RSRP1: variants seen among roughly 807,000 people sequenced by gnomAD.
RSRP1 encodes arginine and serine rich protein 1, also known as arginine/serine-rich protein 1.
RSRP1 carries 37 observed loss-of-function variants against 33.0 expected under a neutral mutation model. The observed-to-expected ratio is 1.12, with a 90% confidence interval of 0.86 to 1.48. The LOEUF is 1.48. Among genes scored for constraint, RSRP1 ranks in the 40% most tolerant of loss-of-function variants. RSRP1 has a pLI of 0.00. For missense variants in RSRP1, 402 were observed against 385.3 expected (o/e 1.04, Z -0.36); for synonymous variants, 167 against 158.7 (o/e 1.05, Z -0.40).
intron 1 of RSRP1, among the ~76,000 whole-genome samples, chr1:25,281,577 C>A (rs1203769416): frequency 7.6e-6 from 1 of 132,118 alleles, no homozygotes; most frequent in East Asian, 1.9e-4. Context: ...CCTTCATATA[C>A]ATATTTCCTG....
chr1:25,315,102 G>A (rs148491151), intron 1 of RSRP1, among the ~76,000 whole-genome samples: 1,640 of 128,500 alleles, frequency 0.013, 212 homozygotes, highest in African/African-American at 0.041. Flanking sequence ...TACTCGGGAG[G>A]CTGAGATCAC....
chr1:25,245,376 C>T, intron 2 of RSRP1, 75 bp from the exon 3 acceptor site: 1 of 1,471,258 alleles, frequency 6.8e-7, no homozygotes, highest in Non-Finnish European at 9.2e-7. Context: ...CAGAATTACA[C>T]AATAAATATG....
rs1181460176 is a variant in RSRP1, at chr1:25,316,234, ATG to A, written c.-67+21742_-67+21743del. Among the ~76,000 whole-genome samples, 10 of 129,816 alleles carry A rather than the reference ATG, an allele frequency of 7.7e-5. 2 individuals carry two copies. The highest frequency in any genetic ancestry group is 1.8e-4 in the Non-Finnish European group (10 of 55,036). The allele number at this position is 129,816 out of a possible 152,430, so 85.2% of individuals were successfully genotyped here. On this transcript the variant is annotated intron_variant, in intron 1 of 1. Coordinates refer to the RSRP1 transcript ENST00000561867. ...GTGGAAGTATGTTCAAGGGGTAGGGATGGGCAGGGGAGATGGGTCTGAAAGCC... is the reference window on the plus strand; with the variant it reads ...GTGGAAGTATGTTCAAGGGGTAGGGAGGCAGGGGAGATGGGTCTGAAAGCC...
chr1:25,251,548 T>C (rs754958517), upstream of RSRP1, among the ~76,000 whole-genome samples: 41 of 152,068 alleles, frequency 2.7e-4, no homozygotes, highest in Non-Finnish European at 5.9e-4. Context: ...TTTGTATTTT[T>C]AGTAGAGACG....
At position 25,244,839 on chromosome 1, in the gene RSRP1, A is replaced by G. The variant is rs537258437; in HGVS notation, c.672+311T>C. 3.1e-6 allele frequency: 3 copies of G among 978,844 alleles called. No homozygotes were observed. In the African/African-American group the frequency reaches 5.1e-5, roughly 17 times the overall value. 60.6% of individuals were successfully genotyped at this position (978,844 alleles called of 1,614,324 possible). On this transcript the variant is annotated intron_variant, in intron 3 of 4. Coordinates refer to ENST00000243189, the MANE Select transcript of RSRP1 (RefSeq NM_020317.5). ...GCTGGGACTACAGGCATGCACCACC[A>G]TGCCTGGCTAATTTTTGTATTTTTT...
At chr1:25,249,835 CTTTAG>C (rs1639721013), upstream of RSRP1, among the ~76,000 whole-genome samples, 1 of 152,332 alleles carries the variant, frequency 6.6e-6, no homozygotes, top group Middle Eastern at 3.4e-3. Flanking sequence ...AAAAATTCAA[CTTTAG>C]TTATTAGAAC....
At position 25,284,024 on chromosome 1, in the gene RSRP1, C is replaced by T. The variant is rs1399199186; in HGVS notation, c.-66-36995G>A. On this transcript the variant is annotated intron_variant, in intron 1 of 1. Transcript: ENST00000561867. ...CTGCCAGCCAGCTCACCAGGTCCCT[C>T]GCAGCAGGCGGCAAAGGGAGGGAGG... is the stretch of plus-strand genomic sequence containing the variant. 3.0e-5 allele frequency among the ~76,000 whole-genome samples: 4 copies of T among 135,008 alleles called. 1 individual carries two copies. The highest frequency in any genetic ancestry group is 1.9e-4 in the East Asian group (1 of 5,162). 88.6% of individuals were successfully genotyped at this position (135,008 alleles called of 152,430 possible). A position where few individuals can be genotyped will look rare whatever the true frequency, so the allele number is the denominator to read the frequency against.
In RSRP1 at chr1:25,260,464, A is replaced by T. The variant is rs904343764; in HGVS notation, c.-66-13435T>A. On this transcript the variant is annotated intron_variant, in intron 1 of 1. Transcript: ENST00000561867. ...TTCCCTACACAGCACATAAAACAGA[A>T]GGAATTTGAAGCCACCCTCCAAACA... is the stretch of plus-strand genomic sequence containing the variant. Among the ~76,000 whole-genome samples, 5 of 152,304 alleles carry T rather than the reference A, an allele frequency of 3.3e-5. No homozygotes were observed. In the South Asian group the frequency reaches 6.2e-4, roughly 19 times the overall value.
intron 1 of RSRP1, among the ~76,000 whole-genome samples, chr1:25,300,369 A>T (rs1422765322): frequency 1.5e-5 from 2 of 130,622 alleles, no homozygotes; most frequent in African/African-American, 5.3e-5. Context: ...AAAATTGGCC[A>T]GGCATGGTTG....
chr1:25,338,137 C>T (rs913434829), upstream of RSRP1: 6 of 152,176 alleles, frequency 3.9e-5, no homozygotes, highest in African/African-American at 1.4e-4. Context: ...AGAGCAACTT[C>T]TCACGCCTAC....
rs1181096428 is a variant in RSRP1 at position 25,290,560 on chromosome 1, A to C, written c.-66-43531T>G. ...CCCAACAGTGTTTGTTGAAAGAATG[A>C]ATGAATGAATGAATGAATGAATGAA... On this transcript the variant is annotated intron_variant, in intron 1 of 1. Coordinates refer to the RSRP1 transcript ENST00000561867. 13 of 1,076,710 alleles carry C rather than the reference A, an allele frequency of 1.2e-5. 2 individuals are homozygous for C. The highest frequency in any genetic ancestry group is 5.0e-5 in the African/African-American group (3 of 60,028). The allele number at this position is 1,076,710 out of a possible 1,614,324, so 66.7% of individuals were successfully genotyped here. A position where few individuals can be genotyped will look rare whatever the true frequency, so the allele number is the denominator to read the frequency against.
rs1238493745 is a variant in RSRP1, at chr1:25,315,537, C to T, written c.-67+22441G>A. Among the ~76,000 whole-genome samples, 2 of 118,484 alleles carry T rather than the reference C, an allele frequency of 1.7e-5. 1 individual carries two copies. Among genetic ancestry groups the T allele is most frequent in the Non-Finnish European group, 3.9e-5 (2 of 50,934 alleles). 77.7% of individuals were successfully genotyped at this position (118,484 alleles called of 152,430 possible). A position where few individuals can be genotyped will look rare whatever the true frequency, so the allele number is the denominator to read the frequency against. On this transcript the variant is annotated intron_variant, in intron 1 of 1. Coordinates refer to the RSRP1 transcript ENST00000561867. The stretch of plus-strand genomic sequence containing the variant: ...TTTGAGATGGAGTCTCGCTGTGTTG[C>T]CCAGGCTGGAGTGCAGTGGCGTGAT...
In RSRP1 at chr1:25,290,646, G is replaced by C. The variant is rs530929152; in HGVS notation, c.-66-43617C>G. Reference sequence around the variant, plus strand: ...GCTCTCCCTCTCTCCCCCAGTATTCGGCTGGCCACCATGAGTGCTTTGTCG... The same window carrying C: ...GCTCTCCCTCTCTCCCCCAGTATTCCGCTGGCCACCATGAGTGCTTTGTCG... On this transcript the variant is annotated intron_variant, in intron 1 of 1. Coordinates refer to the RSRP1 transcript ENST00000561867. 7.3e-7 allele frequency: 1 copy of C among 1,377,854 alleles called. No homozygotes were observed. The allele number at this position is 1,377,854 out of a possible 1,614,324, so 85.4% of individuals were successfully genotyped here.
At position 25,274,258 on chromosome 1, in the gene RSRP1, G is replaced by T. The variant is rs565110334; in HGVS notation, c.-66-27229C>A. Among the ~76,000 whole-genome samples the T allele has an allele frequency of 7.6e-5, 10 of 131,942 alleles. 1 individual carries two copies. In the East Asian group the frequency reaches 1.9e-3, roughly 26 times the overall value. The allele number at this position is 131,942 out of a possible 152,430, so 86.6% of individuals were successfully genotyped here. On this transcript the variant is annotated intron_variant, in intron 1 of 1. Coordinates refer to the RSRP1 transcript ENST00000561867. ...ATGGATGTTGAGTAATTTGCCCACG[G>T]TCGCTCAGCTAGCAATAGCACAGCG... is the stretch of plus-strand genomic sequence containing the variant.
Position 25,333,065 on chromosome 1 carries a change from C to T in RSRP1, c.-67+4913G>A, listed in dbSNP as rs1370715136. Among the ~76,000 whole-genome samples, 3 of 131,634 alleles carry T rather than the reference C, an allele frequency of 2.3e-5. 1 individual carries two copies. Among genetic ancestry groups the T allele is most frequent in the African/African-American group, 7.8e-5 (3 of 38,410 alleles). 86.4% of individuals were successfully genotyped at this position (131,634 alleles called of 152,430 possible). ...GTCCTGGCGTCCTGAGACCCAACAG[C>T]CTGGGATCCTGAAATCCAAGGGCAG... On this transcript the variant is annotated intron_variant, in intron 1 of 1. Transcript: ENST00000561867.
intron 1 of RSRP1, among the ~76,000 whole-genome samples, chr1:25,331,166 C>T (rs1644999168): frequency 7.9e-6 from 1 of 127,186 alleles, no homozygotes; most frequent in African/African-American, 2.7e-5. Flanking sequence ...CAGGGTTTCA[C>T]CATATTGGCC....
rs747978796 is a variant in RSRP1, at chr1:25,245,285, T to A, written c.537A>T (p.Leu179Phe). The part of the protein sequence containing the change: ...RLSEKDRMEL[L>F]EIAKTNAAKA... ...TCGCTGCATTGGTTTTTGCTATTTC[T>A]AACAGCTCCATTCGATCTAAAAAAA... Residue 179 changes from leucine to phenylalanine, a missense_variant, in exon 3 of 5, where the codon TTA becomes TTT. Coordinates refer to ENST00000243189, the MANE Select transcript of RSRP1 (RefSeq NM_020317.5). 2.5e-6 allele frequency: 4 copies of A among 1,613,494 alleles called. No individual in the cohort carries two copies. Among genetic ancestry groups the A allele is most frequent in the Non-Finnish European group, 3.4e-6 (4 of 1,179,778 alleles).
intron 3 of RSRP1, chr1:25,244,419 T>A (rs1639174550): frequency 7.8e-7 from 1 of 1,289,254 alleles, no homozygotes; most frequent in Admixed American, 2.3e-5. Context: ...AACTTCAAAT[T>A]AAACCTCTGA....
rs1191864798 is a variant in RSRP1, at chr1:25,267,569, G to A, written c.-66-20540C>T. Among the ~76,000 whole-genome samples the A allele has an allele frequency of 7.3e-3, 861 of 118,066 alleles. 98 individuals are homozygous for A. The highest frequency in any genetic ancestry group is 0.023 in the African/African-American group (806 of 34,774). 77.5% of individuals were successfully genotyped at this position (118,066 alleles called of 152,430 possible). A position where few individuals can be genotyped will look rare whatever the true frequency, so the allele number is the denominator to read the frequency against. On this transcript the variant is annotated intron_variant, in intron 1 of 1. Transcript: ENST00000561867. Reference sequence around the variant, plus strand: ...CCCTCTCCCAGAGGTGGAGCTGCGGGGGGCGGGAACAGGCACGGAGAAAAT... The same window carrying A: ...CCCTCTCCCAGAGGTGGAGCTGCGGAGGGCGGGAACAGGCACGGAGAAAAT...
Sources: allele counts gnomAD v4.1 joint callset (sites outside exome capture counted in the v4.1 genomes callset), GRCh38; gene constraint gnomAD v4.1.1; transcripts MANE v1.5; gene names NCBI Gene and HGNC (gene_info 2026-07-23, HGNC 2026-07-21).